The following ATAD2B variants were observed in gnomAD, a reference collection of about 807,000 sequenced individuals.
The protein encoded by ATAD2B is ATPase family AAA domain containing 2B.
A neutral mutation model predicts 167.6 loss-of-function variants in ATAD2B; 40 were observed. The observed-to-expected ratio is 0.24, with a 90% CI of 0.19 to 0.31. The LOEUF is 0.31. Ranked by LOEUF, ATAD2B falls within the 10% of genes least tolerant of loss-of-function variation. The probability of loss-of-function intolerance (pLI) is 1.00; values close to 1 mark genes in which losing one functional copy is unlikely to be tolerated. For missense variants in ATAD2B, 1,242 were observed against 1,757.2 expected (o/e 0.71, Z 5.24); for synonymous variants, 579 against 596.5 (o/e 0.97, Z 0.43).
At chr2:23,919,564 C>T (rs748279970) in intron 1 of ATAD2B, among the ~76,000 whole-genome samples, 107 of 151,006 alleles carry the variant, frequency 7.1e-4, no homozygotes, top group Non-Finnish European at 1.2e-3. Flanking sequence ...TATTAGGGGC[C>T]GGGTGCAGTG....
the ATAD2B span, among the ~76,000 whole-genome samples, chr2:23,706,270 G>A: frequency 6.6e-6 from 1 of 152,220 alleles, no homozygotes; most frequent in Non-Finnish European, 1.5e-5. Context: ...GCCGCTCGCA[G>A]GGTGGCATAG....
At chr2:23,874,492 CA>C (rs900669875) in intron 8 of ATAD2B, among the ~76,000 whole-genome samples, 1 of 151,934 alleles carries the variant, frequency 6.6e-6, no homozygotes, top group Admixed American at 6.6e-5. Flanking sequence ...CACTTGAGCC[CA>C]GGAGTTCAAG....
At chr2:23,808,376 C>T (rs1328133613) in intron 18 of ATAD2B, among the ~76,000 whole-genome samples, 1 of 151,050 alleles carries the variant, frequency 6.6e-6, no homozygotes, top group East Asian at 1.9e-4. Context: ...ACTTCTCTGG[C>T]CTTTGGGTTT....
chr2:23,718,019 G>A, the ATAD2B span, among the ~76,000 whole-genome samples: 3 of 152,302 alleles, frequency 2.0e-5, no homozygotes, highest in African/African-American at 7.2e-5. Context: ...ACAAAGAAAT[G>A]AAGAAACTTC....
chr2:23,888,473 G>A, intron 2 of ATAD2B, 74 bp from the exon 3 acceptor site: 1 of 922,920 alleles, frequency 1.1e-6, no homozygotes, highest in Non-Finnish European at 1.6e-6. Flanking sequence ...AATACTGCTG[G>A]AATTATTTTA....
intron 13 of ATAD2B, among the ~76,000 whole-genome samples, chr2:23,855,702 A>G (rs559218383): frequency 6.6e-6 from 1 of 152,306 alleles, no homozygotes; most frequent in East Asian, 1.9e-4. Flanking sequence ...CAACCAGGGA[A>G]ACATAGCGAG....
intron 13 of ATAD2B, among the ~76,000 whole-genome samples, chr2:23,848,935 T>C (rs1016835883): frequency 2.6e-5 from 4 of 152,198 alleles, no homozygotes; most frequent in East Asian, 1.9e-4. Flanking sequence ...TCAATGTCAA[T>C]ATTGTGTACA....
chr2:23,874,711 T>G (rs1398498667), intron 8 of ATAD2B, among the ~76,000 whole-genome samples: 2 of 151,228 alleles, frequency 1.3e-5, no homozygotes, highest in East Asian at 3.9e-4. Context: ...AAAAATAAAC[T>G]TTTAAAAGTA....
chr2:23,828,992 A>G lies in ATAD2B; in HGVS notation c.1729-53T>C, dbSNP rs1186080354. 2.6e-6 allele frequency: 3 copies of G among 1,169,098 alleles called. No homozygotes were observed. The African/African-American group carries it at 4.6e-5, about 18-fold the overall frequency. The allele number at this position is 1,169,098 out of a possible 1,614,324, so 72.4% of individuals were successfully genotyped here. A position where few individuals can be genotyped will look rare whatever the true frequency, so the allele number is the denominator to read the frequency against. ...ATCTTGCCCAAGAAGAAAAGTACAGATAAAATATTATCAATCCCTCAAATA... is the reference window on the plus strand; with the variant it reads ...ATCTTGCCCAAGAAGAAAAGTACAGGTAAAATATTATCAATCCCTCAAATA... On this transcript the variant is annotated intron_variant, in intron 14 of 27. Coordinates refer to ENST00000238789, the MANE Select transcript of ATAD2B (RefSeq NM_017552.4).
At chr2:23,892,313 G>A (rs1407223207) in intron 2 of ATAD2B, among the ~76,000 whole-genome samples, 2 of 152,006 alleles carry the variant, frequency 1.3e-5, no homozygotes, top group South Asian at 2.1e-4. Flanking sequence ...ACAGGCACCC[G>A]CCACCACGCC....
the ATAD2B span, among the ~76,000 whole-genome samples, chr2:23,720,860 C>T: frequency 1.7e-4 from 26 of 151,596 alleles, no homozygotes; most frequent in Non-Finnish European, 2.8e-4. Flanking sequence ...CCCCCACCCT[C>T]ACCCACTGTG....
the ATAD2B span, among the ~76,000 whole-genome samples, chr2:23,704,538 G>A: frequency 3.9e-5 from 6 of 152,170 alleles, no homozygotes; most frequent in Admixed American, 1.3e-4. Flanking sequence ...AGGCCGAGGC[G>A]GATGGATCAG....
At chr2:23,774,694 G>A (rs906461092) in intron 22 of ATAD2B, among the ~76,000 whole-genome samples, 8 of 152,182 alleles carry the variant, frequency 5.3e-5, no homozygotes, top group African/African-American at 1.9e-4. Context: ...GAGGACAGGA[G>A]TTCAAGACCA....
At chr2:23,697,863 G>A in the ATAD2B span, 2 of 152,266 alleles carry the variant, frequency 1.3e-5, no homozygotes, top group Middle Eastern at 3.4e-3. Flanking sequence ...ATCGGCTTCC[G>A]ATCATTTGTC....
rs1408016102 is a variant in ATAD2B, at chr2:23,754,818, A to G, written c.4079-44T>C. The G allele has an allele frequency of 3.8e-6, 6 of 1,580,260 alleles. No individual in the cohort carries two copies. The African/African-American group carries it at 6.8e-5, about 18-fold the overall frequency. The stretch of plus-strand genomic sequence containing the variant: ...AATACACTGCAGCAAGTAAAAGTTA[A>G]GAAAAACCAGTCTTAAGCAGTTATA... On this transcript the variant is annotated intron_variant, in intron 25 of 27. Transcript: ENST00000238789.
chr2:23,719,061 T>C, the ATAD2B span, among the ~76,000 whole-genome samples: 1 of 152,166 alleles, frequency 6.6e-6, no homozygotes. Flanking sequence ...ATGGACATCT[T>C]TGGGGAGTCA....
Position 23,751,626 on chromosome 2 carries a change from A to G in ATAD2B, c.*420T>C, listed in dbSNP as rs556945066. The G allele has an allele frequency of 1.2e-4, 20 of 163,052 alleles. No individual in the cohort carries two copies. The South Asian group carries it at 2.7e-3, about 22-fold the overall frequency. 10.1% of individuals were successfully genotyped at this position (163,052 alleles called of 1,614,324 possible). A position where few individuals can be genotyped will look rare whatever the true frequency, so the allele number is the denominator to read the frequency against. On this transcript the variant is annotated 3_prime_UTR_variant, in exon 28 of 28. Coordinates refer to ENST00000238789, the MANE Select transcript of ATAD2B (RefSeq NM_017552.4). ...TATGATTAAAGGGGTAAAATGGAGGAAAAAAAAATAACAAGTTGCCCACTG... is the reference window on the plus strand; with the variant it reads ...TATGATTAAAGGGGTAAAATGGAGGGAAAAAAAATAACAAGTTGCCCACTG...
Position 23,887,703 on chromosome 2 carries a change from C to G in ATAD2B, c.572+129G>C, listed in dbSNP as rs1698897532. 6.5e-6 allele frequency: 5 copies of G among 769,116 alleles called. No individual in the cohort carries two copies. The South Asian group carries it at 1.3e-4, about 19-fold the overall frequency. 47.6% of individuals were successfully genotyped at this position (769,116 alleles called of 1,614,324 possible). Reference sequence around the variant, plus strand: ...AAAATGTTGAACTGACCCACCACACCCAGCTTCAAGTTAAGTTTTTAAAGA... The same window carrying G: ...AAAATGTTGAACTGACCCACCACACGCAGCTTCAAGTTAAGTTTTTAAAGA... On this transcript the variant is annotated intron_variant, in intron 4 of 27. Transcript: ENST00000238789.
the ATAD2B span, among the ~76,000 whole-genome samples, chr2:23,739,797 C>A: frequency 1.3e-5 from 2 of 151,944 alleles, no homozygotes; most frequent in African/African-American, 4.8e-5. Context: ...AATTGATAGA[C>A]CACTAGCAAG....
Sources: allele counts gnomAD v4.1 joint callset (sites outside exome capture counted in the v4.1 genomes callset), GRCh38; gene constraint gnomAD v4.1.1; transcripts MANE v1.5; gene names NCBI Gene and HGNC (gene_info 2026-07-23, HGNC 2026-07-21).